RPS6KC1: variants seen among roughly 807,000 people sequenced by gnomAD.
The protein encoded by RPS6KC1 is ribosomal protein S6 kinase C1.
A neutral mutation model predicts 103.8 loss-of-function variants in RPS6KC1; 54 were observed. The observed-to-expected ratio is 0.52, with a 90% confidence interval of 0.42 to 0.65. The LOEUF is 0.65. RPS6KC1 is among the 30% of genes least tolerant of loss of function. The pLI is 0.00. For missense variants in RPS6KC1, 1,151 were observed against 1,253.8 expected (o/e 0.92, Z 1.24); for synonymous variants, 439 against 438.7 (o/e 1.00, Z -0.01).
the RPS6KC1 span, among the ~76,000 whole-genome samples, chr1:213,855,873 C>A: frequency 6.6e-6 from 1 of 152,254 alleles, no homozygotes; most frequent in Non-Finnish European, 1.5e-5. Flanking sequence ...TGATTTTCCA[C>A]ATCCATTGCT....
rs79317606 is a variant in RPS6KC1, at chr1:213,189,476, G to A, written c.1044+12984G>A. Among the ~76,000 whole-genome samples, 594 of 146,964 alleles carry A rather than the reference G, an allele frequency of 4.0e-3. 22 individuals carry two copies. In the East Asian group the frequency reaches 0.083, roughly 21 times the overall value. On this transcript the variant is annotated intron_variant, in intron 8 of 14. Transcript: ENST00000366960. ...AAAAAAAAAAAAAAAAAAAGTGTAC[G>A]TTGACATATCCTCACACTTCTTAAA...
At chr1:213,427,925 C>T in the RPS6KC1 span, among the ~76,000 whole-genome samples, 1 of 152,252 alleles carries the variant, frequency 6.6e-6, no homozygotes, top group African/African-American at 2.4e-5. Context: ...CATCCAACAA[C>T]ATCCAGGGAC....
chr1:213,472,210 A>G, the RPS6KC1 span, among the ~76,000 whole-genome samples: 1 of 152,184 alleles, frequency 6.6e-6, no homozygotes, highest in African/African-American at 2.4e-5. Flanking sequence ...TCAGAGGGAG[A>G]CACAATGGAA....
chr1:213,835,376 G>T, the RPS6KC1 span, among the ~76,000 whole-genome samples: 1 of 152,160 alleles, frequency 6.6e-6, no homozygotes, highest in African/African-American at 2.4e-5. Flanking sequence ...GCCATTAGAT[G>T]TCTTAGGTAG....
chr1:213,856,803 G>A, the RPS6KC1 span, among the ~76,000 whole-genome samples: 1 of 151,962 alleles, frequency 6.6e-6, no homozygotes, highest in African/African-American at 2.4e-5. Context: ...GGTTTGATGG[G>A]CTGGTAGTCA....
At chr1:213,621,523 T>G in the RPS6KC1 span, among the ~76,000 whole-genome samples, 1 of 152,214 alleles carries the variant, frequency 6.6e-6, no homozygotes, top group South Asian at 2.1e-4. Flanking sequence ...TGAATTAAAG[T>G]GCTCGGAATT....
the RPS6KC1 span, among the ~76,000 whole-genome samples, chr1:213,825,220 GAAT>G: frequency 3.9e-5 from 6 of 152,230 alleles, no homozygotes; most frequent in African/African-American, 1.4e-4. Flanking sequence ...ATGCTTTCAG[GAAT>G]ACCCCCAGGG....
At chr1:213,172,352 G>T (rs1396581176) in intron 7 of RPS6KC1, among the ~76,000 whole-genome samples, 1 of 152,190 alleles carries the variant, frequency 6.6e-6, no homozygotes, top group Non-Finnish European at 1.5e-5. Context: ...CCAGCACTTT[G>T]GAAGGCTGAG....
At chr1:213,542,454 AGG>A in the RPS6KC1 span, among the ~76,000 whole-genome samples, 1 of 152,162 alleles carries the variant, frequency 6.6e-6, no homozygotes, top group Non-Finnish European at 1.5e-5. Flanking sequence ...GGTACAACAC[AGG>A]TGGCATCCCC....
At chr1:213,815,582 G>A in the RPS6KC1 span, among the ~76,000 whole-genome samples, 2 of 152,170 alleles carry the variant, frequency 1.3e-5, no homozygotes. Flanking sequence ...AACATAGTGG[G>A]TTTGGTTCCA....
chr1:213,190,554 C>T (rs2092709894), intron 8 of RPS6KC1, among the ~76,000 whole-genome samples: 1 of 152,132 alleles, frequency 6.6e-6, no homozygotes, highest in Non-Finnish European at 1.5e-5. Context: ...GGTTATTCAT[C>T]CCCTATGAGA....
At chr1:213,725,194 C>T in the RPS6KC1 span, among the ~76,000 whole-genome samples, 1 of 152,212 alleles carries the variant, frequency 6.6e-6, no homozygotes, top group Admixed American at 6.5e-5. Context: ...AATTGTAACT[C>T]ATTACTTGGA....
chr1:213,379,722 A>G, the RPS6KC1 span, among the ~76,000 whole-genome samples: 1 of 152,130 alleles, frequency 6.6e-6, no homozygotes, highest in South Asian at 2.1e-4. Context: ...CCTGCAGGCA[A>G]CTGGAGCAGC....
chr1:213,688,433 A>G, the RPS6KC1 span, among the ~76,000 whole-genome samples: 90 of 152,288 alleles, frequency 5.9e-4, no homozygotes, highest in South Asian at 6.0e-3. Context: ...TTCAGTTCCC[A>G]CAGCTGGGAA....
At chr1:213,702,093 T>C in the RPS6KC1 span, among the ~76,000 whole-genome samples, 38 of 152,044 alleles carry the variant, frequency 2.5e-4, no homozygotes, top group Non-Finnish European at 4.7e-4. Context: ...CTATATCCTG[T>C]AAGTTTTGGT....
chr1:213,416,120 T>C, the RPS6KC1 span, among the ~76,000 whole-genome samples: 1 of 152,268 alleles, frequency 6.6e-6, no homozygotes, highest in Non-Finnish European at 1.5e-5. Context: ...CCGGGGGATC[T>C]CCCAGGCTCC....
chr1:213,628,158 A>C, the RPS6KC1 span, among the ~76,000 whole-genome samples: 2 of 152,146 alleles, frequency 1.3e-5, no homozygotes, highest in Non-Finnish European at 2.9e-5. Flanking sequence ...GGGAGGGTGT[A>C]TGTGTCGAGG....
the RPS6KC1 span, among the ~76,000 whole-genome samples, chr1:213,531,028 G>A: frequency 3.8e-3 from 581 of 152,318 alleles, 4 homozygotes; most frequent in African/African-American, 0.013. Flanking sequence ...TGAAGCAGCT[G>A]TTATGGAGGA....
At chr1:213,567,769 G>C in the RPS6KC1 span, among the ~76,000 whole-genome samples, 22 of 152,336 alleles carry the variant, frequency 1.4e-4, no homozygotes, top group East Asian at 4.0e-3. Context: ...TTACCAGCTA[G>C]TAATTGTAAT....
Sources: allele counts gnomAD v4.1 joint callset (sites outside exome capture counted in the v4.1 genomes callset), GRCh38; gene constraint gnomAD v4.1.1; transcripts MANE v1.5; gene names NCBI Gene and HGNC (gene_info 2026-07-23, HGNC 2026-07-21).